The following RSU1 variants were observed in gnomAD, a reference collection of about 807,000 sequenced individuals.
The protein encoded by RSU1 is Ras suppressor protein 1, also known as rsu-1.
RSU1 carries 26 observed loss-of-function variants against 31.1 expected under a neutral mutation model. The ratio of observed to expected loss-of-function variants is 0.84; its 90% CI spans 0.61 to 1.16. The LOEUF is 1.16. Among genes scored for constraint, RSU1 ranks in the 50% most tolerant of loss-of-function variants. The pLI is 0.00. For missense variants in RSU1, 320 were observed against 339.1 expected (o/e 0.94, Z 0.44); for synonymous variants, 164 against 136.3 (o/e 1.20, Z -1.41).
chr10:16,773,407 C>A (rs1410049596), intron 3 of RSU1, among the ~76,000 whole-genome samples: 3 of 152,150 alleles, frequency 2.0e-5, no homozygotes, highest in Non-Finnish European at 4.4e-5. Context: ...AATAACCCAA[C>A]TATGGCTTTT....
intron 8 of RSU1, among the ~76,000 whole-genome samples, chr10:16,620,871 G>A (rs115338312): frequency 0.014 from 2,164 of 151,752 alleles, 52 homozygotes; most frequent in African/African-American, 0.049. Context: ...CTCAAAAATG[G>A]TAGTGAATTT....
chr10:16,597,616 G>A (rs985011647), intron 8 of RSU1, among the ~76,000 whole-genome samples: 4 of 152,144 alleles, frequency 2.6e-5, no homozygotes, highest in African/African-American at 7.2e-5. Flanking sequence ...AGCAGTCAGC[G>A]AATGCTTATT....
chr10:16,694,999 T>C, intron 8 of RSU1, 24 bp downstream of exon 8: 1 of 1,593,938 alleles, frequency 6.3e-7, no homozygotes, highest in South Asian at 1.1e-5. Flanking sequence ...AGTCTACTAT[T>C]TCAGAAAATC....
In RSU1 at chr10:16,593,398, C is replaced by A; in HGVS notation, c.830G>T (p.Arg277Ile). The change falls in exon 9 of 9, where the codon AGA becomes ATA. Residue 277 changes from arginine to isoleucine, a missense_variant. By Grantham distance (97) the Arg-to-Ile change is moderately conservative. Transcript: ENST00000345264. ...CAGCCGATGCCAATCCCTTCCTTAT[C>A]TGTTCTTGGCTGCCAGGGGTTTCCG... Reference protein sequence around the residue: ...ISRKPLAAKNR With the variant: ...ISRKPLAAKNI 1 of 1,614,100 alleles carries A rather than the reference C, an allele frequency of 6.2e-7. No homozygotes were observed. Among genetic ancestry groups the A allele is most frequent in the Non-Finnish European group, 8.5e-7 (1 of 1,180,006 alleles).
At chr10:16,650,922 G>A (rs1834674852) in intron 8 of RSU1, among the ~76,000 whole-genome samples, 1 of 152,064 alleles carries the variant, frequency 6.6e-6, no homozygotes, top group Non-Finnish European at 1.5e-5. Flanking sequence ...GAAAGCAGGA[G>A]TTTTTCATAA....
chr10:16,610,236 G>A (rs1424629275), intron 8 of RSU1, among the ~76,000 whole-genome samples: 1 of 152,164 alleles, frequency 6.6e-6, no homozygotes, highest in Non-Finnish European at 1.5e-5. Context: ...CAGTTCAACA[G>A]CTCAGGAGCC....
intron 2 of RSU1, among the ~76,000 whole-genome samples, chr10:16,811,449 T>C (rs1838407470): frequency 6.6e-6 from 1 of 152,176 alleles, no homozygotes; most frequent in Non-Finnish European, 1.5e-5. Context: ...GTGCTCTTAT[T>C]ATTCCCATTT....
chr10:16,722,784 ATGTG>A (rs74495250), intron 7 of RSU1, among the ~76,000 whole-genome samples: 34 of 151,260 alleles, frequency 2.2e-4, no homozygotes, highest in African/African-American at 5.3e-4. Flanking sequence ...ATATATGTGT[ATGTG>A]TGTGTCTATA....
intron 8 of RSU1, among the ~76,000 whole-genome samples, chr10:16,659,359 A>G (rs1172594545): frequency 7.5e-6 from 1 of 133,882 alleles, no homozygotes; most frequent in African/African-American, 2.7e-5. Context: ...CCTTTCCTTT[A>G]AAACCTTTCT....
chr10:16,649,661 C>T (rs778450237), intron 8 of RSU1, among the ~76,000 whole-genome samples: 27 of 152,192 alleles, frequency 1.8e-4, no homozygotes, highest in Non-Finnish European at 1.5e-4. Context: ...AGGGGGCACA[C>T]GGCACAACAG....
At chr10:16,636,735 G>C (rs1009204472) in intron 8 of RSU1, among the ~76,000 whole-genome samples, 1 of 152,064 alleles carries the variant, frequency 6.6e-6, no homozygotes, top group East Asian at 1.9e-4. Context: ...TGGGGGGCAG[G>C]GTGGGTGCAC....
chr10:16,691,375 T>C lies in RSU1; in HGVS notation c.731+3648A>G, dbSNP rs375491814. 7.1e-3 allele frequency among the ~76,000 whole-genome samples: 991 copies of C among 139,710 alleles called. 7 individuals carry two copies. Among genetic ancestry groups the C allele is most frequent in the Non-Finnish European group, 0.01 (639 of 63,784 alleles). 91.7% of individuals were successfully genotyped at this position (139,710 alleles called of 152,430 possible). A position where few individuals can be genotyped will look rare whatever the true frequency, so the allele number is the denominator to read the frequency against. On this transcript the variant is annotated intron_variant, in intron 8 of 8. Coordinates refer to ENST00000345264, the MANE Select transcript of RSU1 (RefSeq NM_012425.4). The stretch of plus-strand genomic sequence containing the variant: ...GTGAAACACAATAGCGGCATTTTTG[T>C]GCAGTTTTTTTTTTTTTTTTAATGA...
At chr10:16,664,310 C>T (rs139414976) in intron 8 of RSU1, among the ~76,000 whole-genome samples, 105 of 152,302 alleles carry the variant, frequency 6.9e-4, no homozygotes, top group African/African-American at 2.2e-3. Context: ...GCTGCTCACA[C>T]GCACTGATGA....
chr10:16,732,301 G>A (rs1320357066), intron 7 of RSU1, among the ~76,000 whole-genome samples: 3 of 152,166 alleles, frequency 2.0e-5, no homozygotes, highest in Admixed American at 2.0e-4. Context: ...TGTGGACTGA[G>A]TATTTATGAC....
chr10:16,652,015 GGGA>G (rs902403859), intron 8 of RSU1, among the ~76,000 whole-genome samples: 1 of 152,132 alleles, frequency 6.6e-6, no homozygotes, highest in Non-Finnish European at 1.5e-5. Context: ...CTAAATTTGG[GGGA>G]GGAGAGAGCA....
chr10:16,738,346 G>C (rs1836680197), intron 7 of RSU1, among the ~76,000 whole-genome samples: 1 of 152,160 alleles, frequency 6.6e-6, no homozygotes, highest in African/African-American at 2.4e-5. Flanking sequence ...AGCTACTCAG[G>C]AGGCTGAGGC....
intron 8 of RSU1, among the ~76,000 whole-genome samples, chr10:16,641,107 C>T (rs1276729776): frequency 1.3e-5 from 2 of 152,168 alleles, no homozygotes; most frequent in Non-Finnish European, 2.9e-5. Context: ...CCATGGCACA[C>T]GTTTACCTAT....
intron 4 of RSU1, among the ~76,000 whole-genome samples, chr10:16,763,936 A>G (rs926158769): frequency 6.6e-6 from 1 of 152,210 alleles, no homozygotes; most frequent in Non-Finnish European, 1.5e-5. Context: ...CCTCTCAGCT[A>G]AAGAGAAGAA....
intron 2 of RSU1, among the ~76,000 whole-genome samples, chr10:16,797,066 C>G (rs188029870): frequency 6.6e-6 from 1 of 152,322 alleles, no homozygotes; most frequent in East Asian, 1.9e-4. Context: ...AGGGTTTGCC[C>G]ATTCCAACAG....
Sources: gnomAD v4.1 joint callset for allele counts (sites outside exome capture counted in the v4.1 genomes callset) on GRCh38, gnomAD v4.1.1 for gene constraint, MANE v1.5 for transcripts, NCBI Gene and HGNC (gene_info 2026-07-23, HGNC 2026-07-21) for gene names.